NOS1AP: variants seen among roughly 807,000 people sequenced by gnomAD.
The protein encoded by NOS1AP is carboxyl-terminal PDZ ligand of neuronal nitric oxide synthase protein.
Under a neutral mutation model 56.2 loss-of-function variants are expected in NOS1AP, and 21 were observed. The ratio of observed to expected loss-of-function variants is 0.37; its 90% CI spans 0.26 to 0.54. The LOEUF (loss-of-function observed/expected upper bound fraction) is 0.54, where lower values mean the gene tolerates loss of function less well. Ranked by LOEUF, NOS1AP falls within the 20% of genes least tolerant of loss-of-function variation. The pLI, the probability that NOS1AP is intolerant of heterozygous loss-of-function variation, is 0.84. For missense variants in NOS1AP, 522 were observed against 657.8 expected, an observed-to-expected ratio of 0.79 and a Z score of 2.26; for synonymous variants, 270 against 274.6, an observed-to-expected ratio of 0.98 and a Z score of 0.17.
intron 2 of NOS1AP, among the ~76,000 whole-genome samples, chr1:162,187,159 G>A (rs1197914449): frequency 6.6e-6 from 1 of 152,014 alleles, no homozygotes; most frequent in African/African-American, 2.4e-5. Flanking sequence ...TAAAGATGGG[G>A]TTTCGTCATG....
intron 2 of NOS1AP, among the ~76,000 whole-genome samples, chr1:162,173,084 A>T (rs974172899): frequency 1.3e-5 from 2 of 152,160 alleles, no homozygotes; most frequent in Non-Finnish European, 2.9e-5. Context: ...GGGTGCTACC[A>T]TGCCCAGCTA....
chr1:162,112,629 C>T lies in NOS1AP; in HGVS notation c.106-41776C>T, dbSNP rs189621406. ...CTCTGACTTCTCAGAGCTTGCAGTC[C>T]AAGACATTCTGACATGGATGCACAT... On this transcript the variant is annotated intron_variant, in intron 1 of 9. Transcript: ENST00000361897. Among the ~76,000 whole-genome samples, 3 of 152,254 alleles carry T rather than the reference C, an allele frequency of 2.0e-5. No individual in the cohort carries two copies. In the East Asian group the frequency reaches 5.8e-4, roughly 29 times the overall value.
At chr1:162,186,847 G>T (rs930432311) in intron 2 of NOS1AP, among the ~76,000 whole-genome samples, 1 of 152,238 alleles carries the variant, frequency 6.6e-6, no homozygotes, top group African/African-American at 2.4e-5. Flanking sequence ...AACCCGAGCA[G>T]ACTGACACTG....
chr1:162,136,974 A>C (rs1649029524), intron 1 of NOS1AP, among the ~76,000 whole-genome samples: 1 of 152,152 alleles, frequency 6.6e-6, no homozygotes, highest in African/African-American at 2.4e-5. Flanking sequence ...CTCATATGAA[A>C]AGCACCTCGG....
chr1:162,152,407 G>A (rs565080401), intron 1 of NOS1AP, among the ~76,000 whole-genome samples: 115 of 152,354 alleles, frequency 7.5e-4, no homozygotes, highest in Middle Eastern at 6.8e-3. Context: ...CAAGGAGAGG[G>A]GGCATGGAAA....
intron 5 of NOS1AP, among the ~76,000 whole-genome samples, chr1:162,338,311 C>A (rs1344092814): frequency 1.3e-5 from 2 of 152,082 alleles, no homozygotes; most frequent in Non-Finnish European, 2.9e-5. Context: ...CATTAAAGAA[C>A]CTTACTTGAA....
intron 2 of NOS1AP, among the ~76,000 whole-genome samples, chr1:162,195,390 T>C (rs1651773001): frequency 6.6e-6 from 1 of 152,226 alleles, no homozygotes; most frequent in South Asian, 2.1e-4. Flanking sequence ...GAGGCCATAC[T>C]CCTAGACCCT....
chr1:162,290,339 A>C (rs188766869), intron 3 of NOS1AP, among the ~76,000 whole-genome samples: 4 of 150,974 alleles, frequency 2.6e-5, no homozygotes, highest in Admixed American at 2.6e-4. Flanking sequence ...ATTTTACACA[A>C]TCTCTGACAG....
intron 2 of NOS1AP, among the ~76,000 whole-genome samples, chr1:162,266,465 C>T (rs1028699226): frequency 3.9e-5 from 6 of 152,136 alleles, no homozygotes; most frequent in Non-Finnish European, 7.3e-5. Flanking sequence ...AACCATGAAT[C>T]GCCTGGTAAG....
chr1:162,318,656 T>G (rs1275813256), intron 4 of NOS1AP, among the ~76,000 whole-genome samples: 1 of 152,100 alleles, frequency 6.6e-6, no homozygotes, highest in Non-Finnish European at 1.5e-5. Context: ...CTTCTTCTTC[T>G]TCTTGATCCT....
chr1:162,180,394 G>A (rs1045762373), intron 2 of NOS1AP, among the ~76,000 whole-genome samples: 2 of 151,976 alleles, frequency 1.3e-5, no homozygotes, highest in South Asian at 2.1e-4. Flanking sequence ...ACAGGCGCCC[G>A]CCACCACGGC....
At chr1:162,109,460 A>G (rs1302750412) in intron 1 of NOS1AP, among the ~76,000 whole-genome samples, 1 of 152,104 alleles carries the variant, frequency 6.6e-6, no homozygotes, top group Non-Finnish European at 1.5e-5. Context: ...ATGACATTTT[A>G]TTTGGGATTT....
chr1:162,153,192 G>A (rs951050020), intron 1 of NOS1AP, among the ~76,000 whole-genome samples: 3 of 152,170 alleles, frequency 2.0e-5, no homozygotes, highest in African/African-American at 4.8e-5. Context: ...GCCATGGCAC[G>A]ATCTCAGCTC....
intron 1 of NOS1AP, among the ~76,000 whole-genome samples, chr1:162,127,387 A>T (rs529477716): frequency 1.3e-5 from 2 of 152,320 alleles, no homozygotes; most frequent in African/African-American, 4.8e-5. Context: ...ATACACATAA[A>T]CACCGTTTTA....
chr1:162,172,706 G>T (rs1383648050), intron 2 of NOS1AP, among the ~76,000 whole-genome samples: 3 of 152,100 alleles, frequency 2.0e-5, no homozygotes, highest in South Asian at 2.1e-4. Flanking sequence ...GGTTTTTTTT[G>T]TTGTTGTTTG....
intron 1 of NOS1AP, among the ~76,000 whole-genome samples, chr1:162,091,203 C>T (rs1692122461): frequency 6.6e-6 from 1 of 152,076 alleles, no homozygotes; most frequent in African/African-American, 2.4e-5. Flanking sequence ...GGTGTGGAGT[C>T]CTGTCCTGGG....
chr1:162,310,604 A>G (rs1393296703), intron 4 of NOS1AP, among the ~76,000 whole-genome samples: 1 of 152,242 alleles, frequency 6.6e-6, no homozygotes, highest in Non-Finnish European at 1.5e-5. Context: ...ATGCATGAGT[A>G]GGAATTACCC....
chr1:162,204,022 C>G (rs1652080930), intron 2 of NOS1AP, among the ~76,000 whole-genome samples: 1 of 152,240 alleles, frequency 6.6e-6, no homozygotes, highest in Non-Finnish European at 1.5e-5. Context: ...TTACTGTCCT[C>G]ACACCCATCC....
chr1:162,331,300 G>A (rs929942891), intron 4 of NOS1AP, among the ~76,000 whole-genome samples: 8 of 152,116 alleles, frequency 5.3e-5, no homozygotes, highest in African/African-American at 1.7e-4. Context: ...TCCCCAAGGT[G>A]AACTTGGGTT....
Sources: gnomAD v4.1 joint callset for allele counts (sites outside exome capture counted in the v4.1 genomes callset) on GRCh38, gnomAD v4.1.1 for gene constraint, MANE v1.5 for transcripts, NCBI Gene and HGNC (gene_info 2026-07-23, HGNC 2026-07-21) for gene names.